Variants in RAB2A observed in about 807,000 individuals in gnomAD.
RAB2A encodes ras-related protein Rab-2A.
In RAB2A, 7 loss-of-function variants were observed where a neutral mutation model predicts 32.5. The observed-to-expected ratio is 0.22, with a 90% CI of 0.12 to 0.40. The LOEUF is 0.40. Among genes scored for constraint, RAB2A ranks in the 10% least tolerant of loss-of-function variants. The pLI is 1.00. For synonymous variants in RAB2A, 79 were observed against 85.2 expected, an observed-to-expected ratio of 0.93 and a Z score of 0.40; for missense variants, 108 against 260.7, an observed-to-expected ratio of 0.41 and a Z score of 4.03.
At chr8:60,517,341 C>A in intron 1 of RAB2A, 88 bp downstream of exon 1, 1 of 1,222,276 alleles carries the variant, frequency 8.2e-7, no homozygotes, top group Non-Finnish European at 1.1e-6. Context: ...GGCGGGGACG[C>A]GGACTCCACC....
At chr8:60,561,908 G>A (rs140743138) in intron 2 of RAB2A, among the ~76,000 whole-genome samples, 16 of 152,230 alleles carry the variant, frequency 1.1e-4, no homozygotes, top group Non-Finnish European at 2.1e-4. Context: ...GTAATGATCA[G>A]TTCTCTACTC....
intron 1 of RAB2A, among the ~76,000 whole-genome samples, chr8:60,555,862 A>G (rs1368635686): frequency 6.6e-6 from 1 of 152,242 alleles, no homozygotes; most frequent in East Asian, 1.9e-4. Context: ...TATTTATCCA[A>G]AGGAAAATAA....
chr8:60,591,851 T>C lies in RAB2A; in HGVS notation c.363-7T>C, dbSNP rs1161839210. 6.4e-7 allele frequency: 1 copy of C among 1,559,212 alleles called. No individual in the cohort carries two copies. The highest frequency in any genetic ancestry group is 1.1e-5 in the South Asian group (1 of 89,726). On this transcript the variant is annotated splice_region_variant and splice_polypyrimidine_tract_variant and intron_variant, in intron 5 of 7. Coordinates refer to ENST00000262646, the MANE Select transcript of RAB2A (RefSeq NM_002865.3). The stretch of plus-strand genomic sequence containing the variant: ...TAGTAATGTGACCCTTTCTTTCCCA[T>C]GTTTAGTGATTTAGAATCTAGAAGA...
At chr8:60,550,153 ACT>A (rs1460349901) in intron 1 of RAB2A, among the ~76,000 whole-genome samples, 1 of 152,138 alleles carries the variant, frequency 6.6e-6, no homozygotes, top group Non-Finnish European at 1.5e-5. Context: ...TGATCTGTCC[ACT>A]CTCAATCTGC....
intron 6 of RAB2A, among the ~76,000 whole-genome samples, chr8:60,613,522 C>T (rs562217316): frequency 1.3e-5 from 2 of 152,244 alleles, no homozygotes; most frequent in South Asian, 2.1e-4. Flanking sequence ...ATATTTCCCA[C>T]GTTATCATCC....
At chr8:60,522,131 CAA>C (rs1807311898) in intron 1 of RAB2A, among the ~76,000 whole-genome samples, 1 of 152,004 alleles carries the variant, frequency 6.6e-6, no homozygotes. Flanking sequence ...AGTAGGCTAA[CAA>C]GGAATAATCA....
chr8:60,562,587 A>G (rs1046191282), intron 2 of RAB2A, among the ~76,000 whole-genome samples: 1 of 152,220 alleles, frequency 6.6e-6, no homozygotes, highest in Admixed American at 6.5e-5. Flanking sequence ...TGCTCTATAC[A>G]TTCACTATGC....
intron 1 of RAB2A, among the ~76,000 whole-genome samples, chr8:60,523,692 ATTTT>A (rs775682052): frequency 5.5e-4 from 71 of 129,332 alleles, no homozygotes; most frequent in Admixed American, 2.7e-3. Flanking sequence ...GTTAACCTTC[ATTTT>A]TTTTTTTTTT....
chr8:60,584,909 T>TA (rs1803823717), intron 5 of RAB2A, 94 bp downstream of exon 5: 1 of 812,812 alleles, frequency 1.2e-6, no homozygotes, highest in Admixed American at 3.3e-5. Context: ...AAATGTGAGT[T>TA]ACCAGCCTCT....
intron 3 of RAB2A, among the ~76,000 whole-genome samples, chr8:60,581,927 G>T (rs868682018): frequency 5.1e-4 from 76 of 148,404 alleles, no homozygotes; most frequent in Middle Eastern, 3.5e-3. Context: ...GTTGTTTTTT[G>T]TTGTTGTTGT....
chr8:60,592,078 C>A, intron 6 of RAB2A, 109 bp downstream of exon 6: 1 of 575,736 alleles, frequency 1.7e-6, no homozygotes, highest in Non-Finnish European at 3.0e-6. Flanking sequence ...CTTTGAACAT[C>A]ATAAAGTAGG....
intron 1 of RAB2A, among the ~76,000 whole-genome samples, chr8:60,539,539 T>A (rs1253426473): frequency 6.6e-6 from 1 of 152,224 alleles, no homozygotes; most frequent in African/African-American, 2.4e-5. Flanking sequence ...TCTCTTAAAC[T>A]GGTCGTGTAC....
At chr8:60,611,922 G>A (rs971016101) in intron 6 of RAB2A, among the ~76,000 whole-genome samples, 7 of 152,130 alleles carry the variant, frequency 4.6e-5, no homozygotes, top group Admixed American at 6.5e-5. Context: ...AATCTGCATT[G>A]CGCAGCTGTT....
chr8:60,523,393 G>A (rs1356358584), intron 1 of RAB2A, among the ~76,000 whole-genome samples: 1 of 151,840 alleles, frequency 6.6e-6, no homozygotes, highest in Non-Finnish European at 1.5e-5. Flanking sequence ...TCCTGACCTC[G>A]TGATCCGCCC....
intron 3 of RAB2A, among the ~76,000 whole-genome samples, chr8:60,575,751 G>A (rs946508629): frequency 3.4e-5 from 5 of 149,136 alleles, no homozygotes; most frequent in Non-Finnish European, 7.4e-5. Flanking sequence ...TCCGCCTCCC[G>A]GGTTCAAGCG....
At chr8:60,569,510 GT>G (rs1808164218) in intron 2 of RAB2A, among the ~76,000 whole-genome samples, 1 of 152,006 alleles carries the variant, frequency 6.6e-6, no homozygotes, top group Non-Finnish European at 1.5e-5. Context: ...TTTATTAATT[GT>G]TTTTATTTTT....
rs199845370 is a variant in RAB2A, at chr8:60,607,018, AC to A, written c.475-11561del. On this transcript the variant is annotated intron_variant, in intron 6 of 7. Coordinates refer to ENST00000262646, the MANE Select transcript of RAB2A (RefSeq NM_002865.3). ...TTGCTTACTCTCTTATTTCATGGTC[AC>A]TATTATATGTTGTGGTGGGTGCATG... Among the ~76,000 whole-genome samples the A allele has an allele frequency of 8.4e-4, 118 of 140,832 alleles. No homozygotes were observed. In the Middle Eastern group the frequency reaches 0.011, roughly 13 times the overall value. The allele number at this position is 140,832 out of a possible 152,430, so 92.4% of individuals were successfully genotyped here. A position where few individuals can be genotyped will look rare whatever the true frequency, so the allele number is the denominator to read the frequency against.
At position 60,558,872 on chromosome 8, in the gene RAB2A, T is replaced by C. The variant is rs1429178014; in HGVS notation, c.67T>C (p.Leu23=). The change falls in exon 2 of 8, where the codon TTG becomes CTG. Residue 23 remains leucine (L), a synonymous_variant. Coordinates refer to ENST00000262646, the MANE Select transcript of RAB2A (RefSeq NM_002865.3). ...GDTGVGKSCL[L]LQFTDKRFQP... is the part of the protein sequence containing the mutation. ...TTCAGGTGTTGGTAAATCATGCTTA[T>C]TGCTACAGTTTACAGACAAGAGGTT... is the stretch of plus-strand genomic sequence containing the variant. The C allele has an allele frequency of 2.9e-5, 47 of 1,613,132 alleles. No homozygotes were observed. Among genetic ancestry groups the C allele is most frequent in the Non-Finnish European group, 3.9e-5 (46 of 1,179,304 alleles).
At chr8:60,589,829 A>G (rs1457985452) in intron 5 of RAB2A, among the ~76,000 whole-genome samples, 2 of 152,206 alleles carry the variant, frequency 1.3e-5, no homozygotes, top group Non-Finnish European at 2.9e-5. Flanking sequence ...ATCATGACCT[A>G]GTAAATAAAT....
Sources: allele counts gnomAD v4.1 joint callset (sites outside exome capture counted in the v4.1 genomes callset), GRCh38; gene constraint gnomAD v4.1.1; transcripts MANE v1.5; gene names NCBI Gene and HGNC (gene_info 2026-07-23, HGNC 2026-07-21).